AKAP13: variants seen among roughly 807,000 people sequenced by gnomAD.
The protein encoded by AKAP13 is A-kinase anchor protein 13.
AKAP13 carries 80 observed loss-of-function variants against 264.5 expected under a neutral mutation model. That is an observed-to-expected ratio of 0.30 (90% CI 0.25 to 0.36). AKAP13 has a LOEUF of 0.36. Among genes scored for constraint, AKAP13 ranks in the 10% least tolerant of loss-of-function variants. The pLI is 1.00. For synonymous variants in AKAP13, 1,380 were observed against 1,250.2 expected, an observed-to-expected ratio of 1.10 and a Z score of -2.19; for missense variants, 3,712 against 3,435.2, an observed-to-expected ratio of 1.08 and a Z score of -2.01.
intron 8 of AKAP13, among the ~76,000 whole-genome samples, chr15:85,590,179 T>C (rs549347677): frequency 7.2e-5 from 11 of 152,324 alleles, no homozygotes; most frequent in Admixed American, 2.0e-4. Context: ...AAATGTAAAA[T>C]AGAACAAATT....
intron 1 of AKAP13, among the ~76,000 whole-genome samples, chr15:85,419,935 G>GTTTTTTTTTTTTT: frequency 1.3e-5 from 1 of 77,970 alleles, no homozygotes; most frequent in Non-Finnish European, 2.3e-5. Flanking sequence ...TCTGACTCTT[G>GTTTTTTTTTTTTT]TTTTTTTTTT....
chr15:85,468,604 G>A (rs2074840727), intron 1 of AKAP13, among the ~76,000 whole-genome samples: 1 of 152,134 alleles, frequency 6.6e-6, no homozygotes, highest in Non-Finnish European at 1.5e-5. Flanking sequence ...CAGATATTTT[G>A]TTCTTTATCC....
At chr15:85,710,062 A>C (rs1415072255) in intron 18 of AKAP13, among the ~76,000 whole-genome samples, 1 of 152,154 alleles carries the variant, frequency 6.6e-6, no homozygotes, top group Non-Finnish European at 1.5e-5. Flanking sequence ...TCAGTGTATA[A>C]TCTCTCAAAG....
chr15:85,688,240 A>G (rs756587730), intron 16 of AKAP13, among the ~76,000 whole-genome samples: 1 of 152,194 alleles, frequency 6.6e-6, no homozygotes, highest in East Asian at 1.9e-4. Flanking sequence ...GTTCTTAACT[A>G]TTGAATAATG....
At chr15:85,620,186 C>T (rs1219904812) in intron 8 of AKAP13, 6 of 1,535,066 alleles carry the variant, frequency 3.9e-6, no homozygotes, top group Non-Finnish European at 4.4e-6. Flanking sequence ...AGGGGGGCTG[C>T]ACCTCATGCA....
At chr15:85,710,698 T>G in intron 19 of AKAP13, 53 bp downstream of exon 19, 1 of 1,571,572 alleles carries the variant, frequency 6.4e-7, no homozygotes, top group East Asian at 2.2e-5. Context: ...TGGTTCTGAA[T>G]GTAAAAATGC....
In AKAP13 at chr15:85,485,801, C is replaced by T. The variant is rs545649617; in HGVS notation, c.33+48C>T. On this transcript the variant is annotated intron_variant, in intron 2 of 36. Coordinates refer to ENST00000394518, the MANE Select transcript of AKAP13 (RefSeq NM_007200.5). ...TATTATTTTGTGTTTATCTGTTCTG[C>T]TTACTTGTTATAATAAGCCACACTC... The T allele has an allele frequency of 9.3e-5, 147 of 1,576,946 alleles. 2 individuals are homozygous for T. In the Middle Eastern group the frequency reaches 1.2e-3, roughly 13 times the overall value.
chr15:85,655,409 C>T lies in AKAP13; in HGVS notation c.4375-8C>T. ...GCTTCAACCATATGTGCTTTCTCTC[C>T]ATTACAGCCAGAGGAAGAGCATTTG... On this transcript the variant is annotated splice_polypyrimidine_tract_variant and splice_region_variant and intron_variant, in intron 10 of 36. Coordinates refer to ENST00000394518, the MANE Select transcript of AKAP13 (RefSeq NM_007200.5). 6.2e-7 allele frequency: 1 copy of T among 1,610,290 alleles called. No individual in the cohort carries two copies. Among genetic ancestry groups the T allele is most frequent in the Non-Finnish European group, 8.5e-7 (1 of 1,177,326 alleles).
intron 1 of AKAP13, among the ~76,000 whole-genome samples, chr15:85,390,737 G>A (rs944619748): frequency 1.3e-5 from 2 of 152,146 alleles, no homozygotes; most frequent in Admixed American, 1.3e-4. Context: ...ATCCATATAC[G>A]CTGAAAATAG....
intron 8 of AKAP13, among the ~76,000 whole-genome samples, chr15:85,600,273 G>A (rs1551971): frequency 0.83 from 125,563 of 150,398 alleles, 52,476 homozygotes; most frequent in East Asian, 0.92. Context: ...TTCTTGTGGT[G>A]TATCACCCCA....
At chr15:85,480,467 G>C (rs1321270778) in intron 1 of AKAP13, among the ~76,000 whole-genome samples, 2 of 152,178 alleles carry the variant, frequency 1.3e-5, no homozygotes, top group Non-Finnish European at 2.9e-5. Context: ...TGCTCTTTCT[G>C]CACATAAGGA....
In AKAP13 at chr15:85,746,075, G is replaced by A. The variant is rs2089359844; in HGVS notation, c.*1398G>A. The A allele has an allele frequency of 6.6e-6, 1 of 152,402 alleles. No individual in the cohort carries two copies. Among genetic ancestry groups the A allele is most frequent in the Non-Finnish European group, 1.5e-5 (1 of 68,044 alleles). The allele number at this position is 152,402 out of a possible 1,614,324, so 9.4% of individuals were successfully genotyped here. The stretch of plus-strand genomic sequence containing the variant: ...TGAGGCCCCGTACACCAGAAGGGAG[G>A]CCCTGGAAAATTTTGTGCTTCCAAC... On this transcript the variant is annotated 3_prime_UTR_variant, in exon 37 of 37. Transcript: ENST00000394518.
intron 5 of AKAP13, among the ~76,000 whole-genome samples, chr15:85,556,168 A>G (rs2078137357): frequency 6.6e-6 from 1 of 152,230 alleles, no homozygotes; most frequent in Non-Finnish European, 1.5e-5. Context: ...CACACATGCA[A>G]CATGGAAATA....
intron 2 of AKAP13, among the ~76,000 whole-genome samples, chr15:85,488,606 G>A (rs946444089): frequency 5.9e-5 from 9 of 152,200 alleles, no homozygotes. Flanking sequence ...TGAGCTTCCC[G>A]TTGTAATTAC....
At chr15:85,544,274 G>C (rs1291250187) in intron 5 of AKAP13, 2 of 430,516 alleles carry the variant, frequency 4.6e-6, no homozygotes, top group Non-Finnish European at 9.0e-6. Context: ...CATTACCAAT[G>C]TATACAGTTT....
At chr15:85,567,296 CG>C (rs2078639708) in intron 5 of AKAP13, among the ~76,000 whole-genome samples, 1 of 151,960 alleles carries the variant, frequency 6.6e-6, no homozygotes, top group Non-Finnish European at 1.5e-5. Flanking sequence ...TTAGTAGAGA[CG>C]GGGTTTCATC....
At position 85,521,413 on chromosome 15, in the gene AKAP13, T is replaced by C; in HGVS notation, c.34-15T>C. 3.1e-6 allele frequency: 5 copies of C among 1,613,188 alleles called. No individual in the cohort carries two copies. Among genetic ancestry groups the C allele is most frequent in the South Asian group, 2.2e-5 (2 of 90,894 alleles). Reference sequence around the variant, plus strand: ...CCTTACTAATGTAAACTTGCTATATTGTTTCCTTTCCTAGGGTGATTGTGT... The same window carrying C: ...CCTTACTAATGTAAACTTGCTATATCGTTTCCTTTCCTAGGGTGATTGTGT... On this transcript the variant is annotated splice_polypyrimidine_tract_variant and intron_variant, in intron 2 of 36. Coordinates refer to ENST00000394518, the MANE Select transcript of AKAP13 (RefSeq NM_007200.5).
chr15:85,620,147 G>A, intron 8 of AKAP13: 1 of 1,536,110 alleles, frequency 6.5e-7, no homozygotes, highest in Non-Finnish European at 8.7e-7. Context: ...AAGGTGGACA[G>A]GACTGTGGAC....
chr15:85,661,180 A>G (rs1319994767), intron 12 of AKAP13, among the ~76,000 whole-genome samples: 1 of 152,168 alleles, frequency 6.6e-6, no homozygotes, highest in African/African-American at 2.4e-5. Context: ...CAACATTTCC[A>G]TGCAGTTTCC....
Sources: gnomAD v4.1 joint callset for allele counts (sites outside exome capture counted in the v4.1 genomes callset) on GRCh38, gnomAD v4.1.1 for gene constraint, MANE v1.5 for transcripts, NCBI Gene and HGNC (gene_info 2026-07-23, HGNC 2026-07-21) for gene names.